ARHGAP23: variants seen among roughly 807,000 people sequenced by gnomAD.
ARHGAP23 encodes Rho GTPase activating protein 23.
A neutral mutation model predicts 136.3 loss-of-function variants in ARHGAP23; 34 were observed. The ratio of observed to expected loss-of-function variants is 0.25; its 90% CI spans 0.19 to 0.33. The LOEUF is 0.33. Among genes scored for constraint, ARHGAP23 ranks in the 10% least tolerant of loss-of-function variants. ARHGAP23 has a pLI of 1.00. For synonymous variants in ARHGAP23, 832 were observed against 920.5 expected, an observed-to-expected ratio of 0.90 and a Z score of 1.74; for missense variants, 1,808 against 2,139.0, an observed-to-expected ratio of 0.85 and a Z score of 3.05.
intron 23 of ARHGAP23, among the ~76,000 whole-genome samples, chr17:38,504,180 G>A (rs1257878565): frequency 1.3e-5 from 2 of 152,168 alleles, no homozygotes; most frequent in Non-Finnish European, 2.9e-5. Context: ...TCTGGCACAG[G>A]GACTGGCTCT....
intron 20 of ARHGAP23, among the ~76,000 whole-genome samples, chr17:38,493,821 C>A (rs2040331409): frequency 6.6e-6 from 1 of 152,210 alleles, no homozygotes; most frequent in Non-Finnish European, 1.5e-5. Context: ...GAGAGGAGAG[C>A]AAACCTGGGT....
chr17:38,497,232 GA>G (rs1470399981), intron 20 of ARHGAP23, among the ~76,000 whole-genome samples: 1 of 152,146 alleles, frequency 6.6e-6, no homozygotes, highest in Admixed American at 6.5e-5. Flanking sequence ...GCCTTTATGA[GA>G]AAGCTCTCGC....
Position 38,511,795 on chromosome 17 carries a change from GT to G in ARHGAP23, c.*828del, listed in dbSNP as rs2040770830. 6.6e-6 allele frequency: 1 copy of G among 151,916 alleles called. No homozygotes were observed. The highest frequency in any genetic ancestry group is 2.4e-5 in the African/African-American group (1 of 41,308). 9.4% of individuals were successfully genotyped at this position (151,916 alleles called of 1,614,324 possible). A position where few individuals can be genotyped will look rare whatever the true frequency, so the allele number is the denominator to read the frequency against. The stretch of plus-strand genomic sequence containing the variant: ...TGGTACCTCCCTCACCCCTCTTTTT[GT>G]TTTTCCATCTGTGCCTGTTCCTTCC... On this transcript the variant is annotated 3_prime_UTR_variant, in exon 24 of 24. Coordinates refer to ENST00000622683, the MANE Select transcript of ARHGAP23 (RefSeq NM_001199417.2).
chr17:38,491,374 T>G (rs1478895893), intron 19 of ARHGAP23, 33 bp from the exon 20 acceptor site: 2 of 1,549,540 alleles, frequency 1.3e-6, no homozygotes, highest in Non-Finnish European at 1.7e-6. Flanking sequence ...GAGGTCAGGA[T>G]GTTGACAGTG....
chr17:38,430,035 G>A (rs2038652717), intron 1 of ARHGAP23, among the ~76,000 whole-genome samples: 1 of 152,188 alleles, frequency 6.6e-6, no homozygotes, highest in African/African-American at 2.4e-5. Context: ...CCCACAGTGT[G>A]GTTGGGTCCA....
intron 20 of ARHGAP23, among the ~76,000 whole-genome samples, chr17:38,497,120 T>C (rs1371810835): frequency 6.6e-6 from 1 of 152,194 alleles, no homozygotes; most frequent in East Asian, 1.9e-4. Flanking sequence ...TTATAAGCAA[T>C]CTGGATTTTT....
chr17:38,493,152 G>T (rs1257567770), intron 20 of ARHGAP23, among the ~76,000 whole-genome samples: 2 of 91,810 alleles, frequency 2.2e-5, no homozygotes, highest in South Asian at 7.8e-4. Flanking sequence ...TTGAGGTTAC[G>T]TCAGGCTGGG....
chr17:38,425,027 T>C (rs575208816), upstream of ARHGAP23, among the ~76,000 whole-genome samples: 11 of 152,310 alleles, frequency 7.2e-5, no homozygotes, highest in South Asian at 1.5e-3. Flanking sequence ...CTTGCTTTGG[T>C]ACCTTTCTCC....
chr17:38,499,314 C>T (rs1002402780), intron 22 of ARHGAP23, among the ~76,000 whole-genome samples: 1 of 152,244 alleles, frequency 6.6e-6, no homozygotes, highest in African/African-American at 2.4e-5. Flanking sequence ...CGATGCCACG[C>T]CCAGAAGCTT....
intron 17 of ARHGAP23, among the ~76,000 whole-genome samples, chr17:38,487,927 A>G (rs1168285759): frequency 6.6e-6 from 1 of 152,148 alleles, no homozygotes; most frequent in Non-Finnish European, 1.5e-5. Context: ...TTTGACACAG[A>G]ATCTTGCTCT....
intron 23 of ARHGAP23, among the ~76,000 whole-genome samples, chr17:38,501,867 T>C (rs954781260): frequency 2.6e-5 from 4 of 151,194 alleles, no homozygotes; most frequent in Admixed American, 2.0e-4. Flanking sequence ...CAATTTACTT[T>C]AATAATTTTA....
chr17:38,450,565 A>T (rs1358507634), intron 1 of ARHGAP23: 1 of 152,118 alleles, frequency 6.6e-6, no homozygotes, highest in Non-Finnish European at 1.5e-5. Context: ...GTGCCACCAC[A>T]CTTGGCTAAT....
At chr17:38,503,190 A>G (rs2144802754) in intron 23 of ARHGAP23, among the ~76,000 whole-genome samples, 1 of 152,354 alleles carries the variant, frequency 6.6e-6, no homozygotes. Flanking sequence ...CTCCTAGCAG[A>G]TGCATCCCCA....
At chr17:38,438,524 C>T (rs190661084) in intron 1 of ARHGAP23, among the ~76,000 whole-genome samples, 33 of 152,198 alleles carry the variant, frequency 2.2e-4, no homozygotes, top group African/African-American at 3.1e-4. Flanking sequence ...GACCAGATCC[C>T]GCCCCTTCCC....
chr17:38,487,435 C>T lies in ARHGAP23; in HGVS notation c.2986+1295C>T, dbSNP rs189829644. Among the ~76,000 whole-genome samples, 286 of 152,314 alleles carry T rather than the reference C, an allele frequency of 1.9e-3. 1 individual carries two copies. The highest frequency in any genetic ancestry group is 6.8e-3 in the Middle Eastern group (2 of 294). Reference sequence around the variant, plus strand: ...AAGGAGATTCTTAGATGTAGAATTGCTGGGTCAAAGTCCCGGTGAACCTTT... The same window carrying T: ...AAGGAGATTCTTAGATGTAGAATTGTTGGGTCAAAGTCCCGGTGAACCTTT... On this transcript the variant is annotated intron_variant, in intron 17 of 23. Transcript: ENST00000622683.
At chr17:38,443,150 A>G (rs77708901) in intron 1 of ARHGAP23, among the ~76,000 whole-genome samples, 1,694 of 152,346 alleles carry the variant, frequency 0.011, 32 homozygotes, top group African/African-American at 0.038. Flanking sequence ...TCTCTGTGTT[A>G]GCCTTCTTGA....
intron 20 of ARHGAP23, among the ~76,000 whole-genome samples, chr17:38,492,272 A>G (rs2040296422): frequency 2.0e-5 from 3 of 152,188 alleles, no homozygotes; most frequent in Admixed American, 2.0e-4. Context: ...ATCATTATGA[A>G]TCGTAGATTT....
rs58997690 is a variant in ARHGAP23 at position 38,474,471 on chromosome 17, G to T, written c.2118+2465G>T. Among the ~76,000 whole-genome samples the T allele has an allele frequency of 5.3e-3, 810 of 152,264 alleles. 5 individuals are homozygous for T. The highest frequency in any genetic ancestry group is 0.019 in the African/African-American group (774 of 41,550). ...TAAGGTTCCTGGATTCCTGGCTTGG[G>T]CTGAGGGAGGGTGGTGGGTGGTGGG... On this transcript the variant is annotated intron_variant, in intron 11 of 23. Coordinates refer to ENST00000622683, the MANE Select transcript of ARHGAP23 (RefSeq NM_001199417.2).
Position 38,498,397 on chromosome 17 carries a change from C to T in ARHGAP23, c.3319-17C>T. ...GCATCTGAGGGCATGCCAGCTGACC[C>T]CTCCTCCTGTTCGCAGACCCCTGTG... is the stretch of plus-strand genomic sequence containing the variant. On this transcript the variant is annotated splice_polypyrimidine_tract_variant and intron_variant, in intron 21 of 23. Coordinates refer to ENST00000622683, the MANE Select transcript of ARHGAP23 (RefSeq NM_001199417.2). 6.5e-7 allele frequency: 1 copy of T among 1,539,970 alleles called. No homozygotes were observed. The highest frequency in any genetic ancestry group is 8.8e-7 in the Non-Finnish European group (1 of 1,140,890).
Sources: allele counts gnomAD v4.1 joint callset (sites outside exome capture counted in the v4.1 genomes callset), GRCh38; gene constraint gnomAD v4.1.1; transcripts MANE v1.5; gene names NCBI Gene and HGNC (gene_info 2026-07-23, HGNC 2026-07-21).